EPB41L2: variants seen among roughly 807,000 people sequenced by gnomAD.
EPB41L2 encodes the protein band 4.1-like protein 2.
EPB41L2 carries 43 observed loss-of-function variants against 113.0 expected under a neutral mutation model. The observed-to-expected ratio is 0.38, with a 90% CI of 0.30 to 0.49. EPB41L2 has a LOEUF of 0.49. Among genes scored for constraint, EPB41L2 ranks in the 20% least tolerant of loss-of-function variants. The pLI is 0.95. For missense variants in EPB41L2, 1,147 were observed against 1,223.4 expected (o/e 0.94, Z 0.93); for synonymous variants, 442 against 436.7 (o/e 1.01, Z -0.15).
chr6:130,900,818 C>T (rs971275078), intron 7 of EPB41L2, 144 bp downstream of exon 7: 3 of 799,482 alleles, frequency 3.8e-6, no homozygotes, highest in Middle Eastern at 3.4e-4. Flanking sequence ...AAGGGCTCCA[C>T]GTTGCCTTGA....
chr6:130,956,331 G>A lies in EPB41L2; in HGVS notation c.155C>T (p.Ala52Val), dbSNP rs777437234. 3.7e-6 allele frequency: 6 copies of A among 1,614,000 alleles called. No individual in the cohort carries two copies. The East Asian group carries it at 8.9e-5, about 24-fold the overall frequency. ...GCGTAGACTACTTTGGCTTTCAGCT[G>A]CAGGAGGTGGCTGGGAACCTTTTTC... is the stretch of plus-strand genomic sequence containing the variant. ...EEEKGSQPPP[A>V]AESQSSLRRQ... Residue 52 changes from alanine (A) to valine (V), a missense_variant, in exon 2 of 20, where the codon GCA becomes GTA. Ala to Val is a moderately conservative substitution (Grantham distance 64). Coordinates refer to ENST00000337057, the MANE Select transcript of EPB41L2 (RefSeq NM_001431.4).
intron 10 of EPB41L2, among the ~76,000 whole-genome samples, chr6:130,891,541 C>T (rs1048014132): frequency 1.3e-5 from 2 of 152,214 alleles, no homozygotes; most frequent in Admixed American, 6.5e-5. Context: ...CTCCGCCTCC[C>T]GGGTTCGAGT....
chr6:131,029,203 C>T (rs182502300), intron 1 of EPB41L2, among the ~76,000 whole-genome samples: 368 of 152,108 alleles, frequency 2.4e-3, no homozygotes, highest in Non-Finnish European at 3.7e-3. Flanking sequence ...CTCTACTTCC[C>T]AAAATTCTGG....
intron 1 of EPB41L2, among the ~76,000 whole-genome samples, chr6:131,045,372 A>ATATTTAATATTTAAATATTC (rs1554351918): frequency 5.9e-5 from 9 of 151,962 alleles, no homozygotes; most frequent in Non-Finnish European, 1.2e-4. Flanking sequence ...TTCATTTAAA[A>ATATTTAATATTTAAATATTC]ATGATGAGAT....
At position 130,867,587 on chromosome 6, in the gene EPB41L2, G is replaced by A. The variant is rs765682996; in HGVS notation, c.2608-6C>T. ...TCTGTTTTTACCACTGGTGGCTGAGGTGGAAAAGGAAGGGAAAAATAAATT... is the reference window on the plus strand; with the variant it reads ...TCTGTTTTTACCACTGGTGGCTGAGATGGAAAAGGAAGGGAAAAATAAATT... On this transcript the variant is annotated splice_region_variant and splice_polypyrimidine_tract_variant and intron_variant, in intron 15 of 19. Coordinates refer to ENST00000337057, the MANE Select transcript of EPB41L2 (RefSeq NM_001431.4). 3 of 1,613,542 alleles carry A rather than the reference G, an allele frequency of 1.9e-6. No homozygotes were observed. The highest frequency in any genetic ancestry group is 1.7e-6 in the Non-Finnish European group (2 of 1,179,746).
intron 1 of EPB41L2, among the ~76,000 whole-genome samples, chr6:130,959,953 TA>T (rs2128631087): frequency 6.6e-6 from 1 of 152,360 alleles, no homozygotes; most frequent in South Asian, 2.1e-4. Flanking sequence ...CAGTGAAATA[TA>T]AAACTTGAGT....
intron 8 of EPB41L2, among the ~76,000 whole-genome samples, chr6:130,895,566 G>T (rs1172560570): frequency 6.6e-6 from 1 of 152,156 alleles, no homozygotes; most frequent in African/African-American, 2.4e-5. Context: ...TACCTCAGAT[G>T]GATTACCCTA....
chr6:131,023,194 T>A (rs1450839598), intron 1 of EPB41L2, among the ~76,000 whole-genome samples: 2 of 152,244 alleles, frequency 1.3e-5, no homozygotes, highest in Non-Finnish European at 2.9e-5. Context: ...CACATGTGTA[T>A]GTGACTACTA....
At chr6:130,940,241 C>T (rs1810349443) in intron 3 of EPB41L2, among the ~76,000 whole-genome samples, 2 of 152,088 alleles carry the variant, frequency 1.3e-5, no homozygotes, top group African/African-American at 4.8e-5. Context: ...AAGCCTGGAT[C>T]AAAAATGGCA....
intron 1 of EPB41L2, among the ~76,000 whole-genome samples, chr6:131,049,516 T>C (rs970840322): frequency 6.6e-6 from 1 of 152,224 alleles, no homozygotes; most frequent in Non-Finnish European, 1.5e-5. Flanking sequence ...TACCAGAGTG[T>C]AGACACTTAG....
At position 130,858,159 on chromosome 6, in the gene EPB41L2, ACT is replaced by A. The variant is rs1424523722; in HGVS notation, c.2993_2994del (p.Glu998ValfsTer3). On this transcript the variant is annotated frameshift_variant, in exon 19 of 20. Coordinates refer to ENST00000337057, the MANE Select transcript of EPB41L2 (RefSeq NM_001431.4). LOFTEE classifies it high-confidence loss of function. ...VTRVVVHKET[E>X]LAEEGED ...ACTTAATCTTCCCCTTCCTCAGCCA[ACT>A]CTGTTTCTTTGTGTACCACCACTCT... 1.9e-6 allele frequency: 3 copies of A among 1,613,774 alleles called. No individual in the cohort carries two copies. Among genetic ancestry groups the A allele is most frequent in the South Asian group, 1.1e-5 (1 of 91,052 alleles).
At chr6:130,867,765 A>G (rs917561404) in intron 15 of EPB41L2, 184 bp from the exon 16 acceptor site, 12 of 646,948 alleles carry the variant, frequency 1.9e-5, no homozygotes, top group Non-Finnish European at 3.2e-5. Flanking sequence ...CTTCAAATAT[A>G]TCATATATAC....
At chr6:131,003,982 G>A (rs1784911901) in intron 1 of EPB41L2, among the ~76,000 whole-genome samples, 1 of 151,894 alleles carries the variant, frequency 6.6e-6, no homozygotes, top group Non-Finnish European at 1.5e-5. Context: ...AGGAAGCCCT[G>A]TACTTACAAC....
intron 1 of EPB41L2, among the ~76,000 whole-genome samples, chr6:130,995,930 T>C (rs1053483128): frequency 5.9e-5 from 9 of 152,228 alleles, no homozygotes; most frequent in Admixed American, 6.5e-5. Flanking sequence ...TATTGGAACA[T>C]ATAAATTCAA....
intron 1 of EPB41L2, among the ~76,000 whole-genome samples, chr6:131,019,688 A>T (rs1789016664): frequency 6.6e-6 from 1 of 152,116 alleles, no homozygotes; most frequent in Non-Finnish European, 1.5e-5. Context: ...TTCTTTAAAG[A>T]AGTGTGAAAT....
intron 4 of EPB41L2, among the ~76,000 whole-genome samples, chr6:130,913,168 G>A (rs1302536188): frequency 6.6e-6 from 1 of 152,162 alleles, no homozygotes; most frequent in Non-Finnish European, 1.5e-5. Context: ...ATAGGGCATG[G>A]TAAGAGTCAG....
intron 1 of EPB41L2, among the ~76,000 whole-genome samples, chr6:131,053,839 T>A (rs950090162): frequency 6.6e-6 from 1 of 152,264 alleles, no homozygotes; most frequent in African/African-American, 2.4e-5. Flanking sequence ...TCTCCCTTTT[T>A]GTTTTTTAAT....
At chr6:131,031,362 T>C (rs1297333067) in intron 1 of EPB41L2, among the ~76,000 whole-genome samples, 2 of 152,028 alleles carry the variant, frequency 1.3e-5, no homozygotes. Flanking sequence ...AAAATTACCA[T>C]AGAAACAGCT....
Position 130,956,252 on chromosome 6 carries a change from T to C in EPB41L2, c.234A>G (p.Ile78Met). 6.2e-7 allele frequency: 1 copy of C among 1,614,198 alleles called. No individual in the cohort carries two copies. The highest frequency in any genetic ancestry group is 8.5e-7 in the Non-Finnish European group (1 of 1,180,042). The change falls in exon 2 of 20, where the codon ATA becomes ATG. Residue 78 changes from isoleucine to methionine, a missense_variant. Ile to Met is a conservative substitution (Grantham distance 10). Coordinates refer to ENST00000337057, the MANE Select transcript of EPB41L2 (RefSeq NM_001431.4). ...TSESRGISRF[I>M]PPWLKKQKSY... is the part of the protein sequence containing the mutation. ...ACTTTTGCTTCTTAAGCCATGGCGG[T>C]ATGAACCGAGAAATACCCCTGCTCT...
Sources: gnomAD v4.1 joint callset for allele counts (sites outside exome capture counted in the v4.1 genomes callset) on GRCh38, gnomAD v4.1.1 for gene constraint, MANE v1.5 for transcripts, NCBI Gene and HGNC (gene_info 2026-07-23, HGNC 2026-07-21) for gene names.